MINDY4: variants seen among roughly 807,000 people sequenced by gnomAD.
The protein encoded by MINDY4 is probable ubiquitin carboxyl-terminal hydrolase MINDY-4.
MINDY4 carries 68 observed loss-of-function variants against 87.0 expected under a neutral mutation model. The ratio of observed to expected loss-of-function variants is 0.78; its 90% confidence interval spans 0.64 to 0.96. MINDY4 has a LOEUF of 0.96. MINDY4 is among the 40% of genes least tolerant of loss of function. The pLI is 0.00. For missense variants in MINDY4, 919 were observed against 928.2 expected, an observed-to-expected ratio of 0.99 and a Z score of 0.13; for synonymous variants, 379 against 363.2, an observed-to-expected ratio of 1.04 and a Z score of -0.50.
Position 30,839,115 on chromosome 7 carries a change from C to A in MINDY4, c.1240-85C>A. On this transcript the variant is annotated intron_variant, in intron 7 of 17. Coordinates refer to ENST00000265299, the MANE Select transcript of MINDY4 (RefSeq NM_032222.3). The stretch of plus-strand genomic sequence containing the variant: ...GGGCTTCCCTGCTAGAATTCAAGAA[C>A]AACTTCTGCAGGAATATGCACACTG... The A allele has an allele frequency of 6.1e-6, 5 of 824,180 alleles. 1 individual carries two copies. Among genetic ancestry groups the A allele is most frequent in the African/African-American group, 1.7e-5 (1 of 57,314 alleles). 51.1% of individuals were successfully genotyped at this position (824,180 alleles called of 1,614,324 possible). A position where few individuals can be genotyped will look rare whatever the true frequency, so the allele number is the denominator to read the frequency against.
intron 2 of MINDY4, 132 bp from the exon 3 acceptor site, chr7:30,781,845 A>G (rs1384389935): frequency 3.1e-6 from 2 of 654,974 alleles, no homozygotes; most frequent in African/African-American, 1.8e-5. Flanking sequence ...TGGCCAGTAA[A>G]TGTTGGCTGA....
At chr7:30,815,815 G>A (rs556474233) in intron 5 of MINDY4, among the ~76,000 whole-genome samples, 9 of 152,202 alleles carry the variant, frequency 5.9e-5, no homozygotes, top group Non-Finnish European at 1.3e-4. Context: ...CCTGAGAGAA[G>A]GGCAGGGAGG....
In MINDY4 at chr7:30,782,342, T is replaced by TTGTGTG. The variant is rs56380069; in HGVS notation, c.419+155_419+160dup. 278 of 578,764 alleles carry TTGTGTG rather than the reference T, an allele frequency of 4.8e-4. 2 individuals carry two copies. Among genetic ancestry groups the TTGTGTG allele is most frequent in the African/African-American group, 6.5e-4 (34 of 52,148 alleles). 35.9% of individuals were successfully genotyped at this position (578,764 alleles called of 1,614,324 possible). A position where few individuals can be genotyped will look rare whatever the true frequency, so the allele number is the denominator to read the frequency against. On this transcript the variant is annotated intron_variant, in intron 3 of 17. Coordinates refer to ENST00000265299, the MANE Select transcript of MINDY4 (RefSeq NM_032222.3). ...CAATATAGTCTCTGTGTGTGTATGT[T>TTGTGTG]TGTGTGTGTGTGTGTGTGTGTGTGT... is the stretch of plus-strand genomic sequence containing the variant.
intron 5 of MINDY4, among the ~76,000 whole-genome samples, chr7:30,797,823 A>G (rs1041700061): frequency 6.6e-6 from 1 of 152,176 alleles, no homozygotes; most frequent in African/African-American, 2.4e-5. Context: ...CTGCAGTAGT[A>G]GAAGAGAGCT....
chr7:30,830,501 TC>T (rs1788667164), intron 6 of MINDY4, among the ~76,000 whole-genome samples: 1 of 152,116 alleles, frequency 6.6e-6, no homozygotes, highest in Non-Finnish European at 1.5e-5. Flanking sequence ...AAACTTACAA[TC>T]GTGGCAGAAG....
chr7:30,856,885 C>T (rs1789589040), intron 12 of MINDY4, among the ~76,000 whole-genome samples: 1 of 152,096 alleles, frequency 6.6e-6, no homozygotes. Context: ...ATCAGCATTA[C>T]TCTTTGCCAT....
intron 5 of MINDY4, among the ~76,000 whole-genome samples, chr7:30,799,686 G>A (rs1787591626): frequency 6.6e-6 from 1 of 152,212 alleles, no homozygotes; most frequent in African/African-American, 2.4e-5. Context: ...GTTTGGGGGT[G>A]GAGCCCAGGA....
intron 5 of MINDY4, among the ~76,000 whole-genome samples, chr7:30,812,234 C>T (rs1002032700): frequency 7.2e-6 from 1 of 139,370 alleles, no homozygotes; most frequent in Non-Finnish European, 1.5e-5. Flanking sequence ...GCTTTCAAAT[C>T]GTTCAGCAAA....
rs186625428 is a variant in MINDY4, at chr7:30,777,010, T to G, written c.64-1422T>G. 2.1e-3 allele frequency among the ~76,000 whole-genome samples: 305 copies of G among 144,960 alleles called. 2 individuals carry two copies. Among genetic ancestry groups the G allele is most frequent in the South Asian group, 5.0e-3 (22 of 4,436 alleles). The stretch of plus-strand genomic sequence containing the variant: ...CCTTTTCTTCTTTCTTTCTTTTTCT[T>G]TTTCTTTTTTTTTTTTAGAGATAGG... On this transcript the variant is annotated intron_variant, in intron 1 of 17. Coordinates refer to ENST00000265299, the MANE Select transcript of MINDY4 (RefSeq NM_032222.3).
chr7:30,780,653 A>G (rs866587390), intron 2 of MINDY4: 1 of 152,348 alleles, frequency 6.6e-6, no homozygotes, highest in African/African-American at 2.4e-5. Context: ...TAATATTTCT[A>G]GTAACTTGTT....
intron 5 of MINDY4, 55 bp downstream of exon 5, chr7:30,791,629 A>G: frequency 6.5e-7 from 1 of 1,534,544 alleles, no homozygotes; most frequent in Non-Finnish European, 8.8e-7. Context: ...CACCTCTCAC[A>G]TGTTGTCTAG....
intron 13 of MINDY4, among the ~76,000 whole-genome samples, chr7:30,871,655 G>A (rs1390033408): frequency 1.3e-5 from 2 of 152,202 alleles, no homozygotes; most frequent in African/African-American, 2.4e-5. Flanking sequence ...GTACCAGGGG[G>A]TGGGGGCACA....
Position 30,892,219 on chromosome 7 carries a change from G to A in MINDY4, c.*214G>A. 1 of 570,230 alleles carries A rather than the reference G, an allele frequency of 1.8e-6. No homozygotes were observed. Among genetic ancestry groups the A allele is most frequent in the Admixed American group, 3.1e-5 (1 of 32,076 alleles). The allele number at this position is 570,230 out of a possible 1,614,324, so 35.3% of individuals were successfully genotyped here. A position where few individuals can be genotyped will look rare whatever the true frequency, so the allele number is the denominator to read the frequency against. On this transcript the variant is annotated 3_prime_UTR_variant, in exon 18 of 18. Transcript: ENST00000265299. Reference sequence around the variant, plus strand: ...TGTTGCTGGGTCCCCTCCCAGCTGAGCTGTGACTGCTGAGTACTGGAAGGA... The same window carrying A: ...TGTTGCTGGGTCCCCTCCCAGCTGAACTGTGACTGCTGAGTACTGGAAGGA...
chr7:30,853,343 G>T lies in MINDY4; in HGVS notation c.1612-51G>T, dbSNP rs778127244. 4 of 1,480,764 alleles carry T rather than the reference G, an allele frequency of 2.7e-6. No individual in the cohort carries two copies. In the East Asian group the frequency reaches 9.1e-5, roughly 34 times the overall value. 91.7% of individuals were successfully genotyped at this position (1,480,764 alleles called of 1,614,324 possible). On this transcript the variant is annotated intron_variant, in intron 11 of 17. Transcript: ENST00000265299. ...GGGAGCAGAAGCTAATTCAGGATGGGGCACTGCGTGGGGCTTGGGCCACTC... is the reference window on the plus strand; with the variant it reads ...GGGAGCAGAAGCTAATTCAGGATGGTGCACTGCGTGGGGCTTGGGCCACTC...
At chr7:30,774,407 A>T (rs1021071310) in intron 1 of MINDY4, among the ~76,000 whole-genome samples, 3 of 152,072 alleles carry the variant, frequency 2.0e-5, no homozygotes, top group African/African-American at 7.2e-5. Flanking sequence ...TGTCTCCTGC[A>T]CCATGCATTT....
chr7:30,870,670 C>T (rs1378153385), intron 13 of MINDY4, among the ~76,000 whole-genome samples: 1 of 152,250 alleles, frequency 6.6e-6, no homozygotes, highest in Non-Finnish European at 1.5e-5. Flanking sequence ...GTTTTGGAAG[C>T]AGACAGAGAC....
At chr7:30,803,885 A>G (rs1312816754) in intron 5 of MINDY4, among the ~76,000 whole-genome samples, 1 of 152,198 alleles carries the variant, frequency 6.6e-6, no homozygotes, top group Non-Finnish European at 1.5e-5. Context: ...CCACCTAAGG[A>G]TCATGGCATT....
intron 9 of MINDY4, among the ~76,000 whole-genome samples, chr7:30,845,944 G>A (rs1008980378): frequency 8.5e-5 from 13 of 152,182 alleles, no homozygotes; most frequent in East Asian, 1.9e-4. Context: ...AGGCTGTGCC[G>A]GCTTGGCTCA....
intron 5 of MINDY4, among the ~76,000 whole-genome samples, chr7:30,806,584 C>G (rs1787811343): frequency 6.6e-6 from 1 of 152,136 alleles, no homozygotes. Context: ...TTGTGATGGT[C>G]AAAAGAGAAA....
Sources: gnomAD v4.1 joint callset for allele counts (sites outside exome capture counted in the v4.1 genomes callset) on GRCh38, gnomAD v4.1.1 for gene constraint, MANE v1.5 for transcripts, NCBI Gene and HGNC (gene_info 2026-07-23, HGNC 2026-07-21) for gene names.